The following ACSM1 variants were observed in gnomAD, a reference collection of about 807,000 sequenced individuals.
The protein encoded by ACSM1 is acyl-coenzyme A synthetase ACSM1, mitochondrial.
In ACSM1, 79 loss-of-function variants were observed where a neutral mutation model predicts 75.8. The ratio of observed to expected loss-of-function variants is 1.04; its 90% CI spans 0.87 to 1.26. The LOEUF is 1.26. Ranked by LOEUF, ACSM1 falls within the 50% of genes most tolerant of loss-of-function variation. The probability of loss-of-function intolerance (pLI) is 0.00; values close to 1 mark genes in which losing one functional copy is unlikely to be tolerated. For missense variants in ACSM1, 676 were observed against 720.1 expected, an observed-to-expected ratio of 0.94 and a Z score of 0.70; for synonymous variants, 279 against 265.8, an observed-to-expected ratio of 1.05 and a Z score of -0.48.
At chr16:20,667,125 A>C (rs184410868) in intron 6 of ACSM1, among the ~76,000 whole-genome samples, 224 of 152,328 alleles carry the variant, frequency 1.5e-3, no homozygotes, top group African/African-American at 5.2e-3. Flanking sequence ...GAGCTTCAGC[A>C]CAGCAAAAGA....
chr16:20,696,059 G>A (rs2079688209), intron 1 of ACSM1, among the ~76,000 whole-genome samples: 1 of 152,138 alleles, frequency 6.6e-6, no homozygotes, highest in African/African-American at 2.4e-5. Flanking sequence ...TGTCATGACT[G>A]CCTACAGTAT....
intron 13 of ACSM1, 25 bp from the exon 14 acceptor site, chr16:20,623,597 C>T (rs1427716255): frequency 6.2e-7 from 1 of 1,602,852 alleles, no homozygotes; most frequent in Non-Finnish European, 8.5e-7. Flanking sequence ...AGCAAATCCA[C>T]AGTGATTGAG....
chr16:20,685,241 G>A lies in ACSM1; in HGVS notation c.355C>T (p.Pro119Ser). Residue 119 changes from proline to serine, a missense_variant, in exon 3 of 14, where the codon CCT (proline) becomes TCT (serine). Physicochemically the swap from Pro to Ser is moderately conservative, Grantham distance 74 (BLOSUM62 -1). Transcript: ENST00000520010. ...QQGDHLALML[P>S]RVPEWWLVAV... ...ACCAGCCACCACTCAGGAACTCGAG[G>A]CAGCATCAAGGCCAGATGGTCTCCC... The A allele has an allele frequency of 3.1e-6, 5 of 1,614,182 alleles. No individual in the cohort carries two copies. The highest frequency in any genetic ancestry group is 4.2e-6 in the Non-Finnish European group (5 of 1,180,026).
chr16:20,657,018 A>T (rs2019006533), intron 7 of ACSM1, among the ~76,000 whole-genome samples: 1 of 152,140 alleles, frequency 6.6e-6, no homozygotes, highest in Non-Finnish European at 1.5e-5. Flanking sequence ...AAAATTAAAA[A>T]ATATATATAT....
chr16:20,637,277 G>T (rs768335458), intron 9 of ACSM1, 94 bp downstream of exon 9: 1 of 960,010 alleles, frequency 1.0e-6, no homozygotes, highest in Admixed American at 1.7e-5. Flanking sequence ...GATGACTGGA[G>T]CAGGGAAGTG....
intron 1 of ACSM1, among the ~76,000 whole-genome samples, chr16:20,696,980 T>C (rs2079693144): frequency 6.6e-6 from 1 of 152,206 alleles, no homozygotes; most frequent in Non-Finnish European, 1.5e-5. Context: ...ATTAGTGTGA[T>C]AATTTACTTG....
At chr16:20,668,715 A>G (rs1312602048) in intron 6 of ACSM1, among the ~76,000 whole-genome samples, 3 of 152,182 alleles carry the variant, frequency 2.0e-5, no homozygotes, top group South Asian at 2.1e-4. Flanking sequence ...AGGGCAGACC[A>G]CTGGAGCACT....
rs1274005290 is a variant in ACSM1, at chr16:20,672,497, A to ATATATAT, written c.612-827_612-826insATATATA. Among the ~76,000 whole-genome samples the ATATATAT allele has an allele frequency of 9.9e-4, 111 of 112,678 alleles. 1 individual carries two copies. In the East Asian group the frequency reaches 0.022, roughly 23 times the overall value. The allele number at this position is 112,678 out of a possible 152,430, so 73.9% of individuals were successfully genotyped here. ...ATATATATATATATATATATATATA[A>ATATATAT]AAAACATATTTATATATTATATATC... On this transcript the variant is annotated intron_variant, in intron 4 of 13. Transcript: ENST00000520010.
intron 12 of ACSM1, among the ~76,000 whole-genome samples, chr16:20,624,683 G>C (rs2016803631): frequency 6.6e-6 from 1 of 152,126 alleles, no homozygotes; most frequent in Non-Finnish European, 1.5e-5. Context: ...CTCACATATA[G>C]AAGGTGATTA....
At chr16:20,641,180 G>A (rs904433232) in intron 7 of ACSM1, among the ~76,000 whole-genome samples, 12 of 152,140 alleles carry the variant, frequency 7.9e-5, no homozygotes, top group Non-Finnish European at 1.5e-4. Context: ...AGAAAAGGCT[G>A]ATGTGAACAG....
In ACSM1 at chr16:20,623,244, T is replaced by C. The variant is rs1349969174; in HGVS notation, c.*242A>G. 6.4e-6 allele frequency: 3 copies of C among 470,570 alleles called. No homozygotes were observed. Among genetic ancestry groups the C allele is most frequent in the Non-Finnish European group, 1.2e-5 (3 of 257,976 alleles). 29.1% of individuals were successfully genotyped at this position (470,570 alleles called of 1,614,324 possible). A position where few individuals can be genotyped will look rare whatever the true frequency, so the allele number is the denominator to read the frequency against. On this transcript the variant is annotated 3_prime_UTR_variant, in exon 14 of 14. Coordinates refer to ENST00000520010, the MANE Select transcript of ACSM1 (RefSeq NM_001318890.3). ...TGCTCAACACAGGGTATTGTTGATA[T>C]CAGTATTTTATTACTTGCGTTATGA...
intron 7 of ACSM1, among the ~76,000 whole-genome samples, chr16:20,653,983 C>T (rs2018797524): frequency 6.6e-6 from 1 of 152,194 alleles, no homozygotes; most frequent in African/African-American, 2.4e-5. Flanking sequence ...GTGGAGGCAT[C>T]GCGCTACCTG....
intron 4 of ACSM1, 58 bp from the exon 5 acceptor site, chr16:20,671,729 T>G (rs2019920852): frequency 1.4e-6 from 2 of 1,438,530 alleles, no homozygotes; most frequent in African/African-American, 2.9e-5. Flanking sequence ...CTTCATCTTC[T>G]GGGAATGCAA....
At chr16:20,683,085 CT>C (rs1485735703) in intron 3 of ACSM1, among the ~76,000 whole-genome samples, 15 of 151,482 alleles carry the variant, frequency 9.9e-5, no homozygotes, top group Non-Finnish European at 2.2e-4. Flanking sequence ...TAAACATTGA[CT>C]TTTTTTTCCT....
intron 2 of ACSM1, among the ~76,000 whole-genome samples, chr16:20,689,357 G>C (rs1255538451): frequency 6.6e-6 from 1 of 151,950 alleles, no homozygotes; most frequent in African/African-American, 2.4e-5. Context: ...AAAAACTCAA[G>C]TAAACACAAA....
intron 3 of ACSM1, 73 bp downstream of exon 3, chr16:20,685,120 G>C (rs2079523032): frequency 6.6e-7 from 1 of 1,521,382 alleles, no homozygotes. Context: ...TGGGTGCACA[G>C]CACCTAATAT....
chr16:20,697,299 G>T (rs1296244225), intron 1 of ACSM1, among the ~76,000 whole-genome samples: 3 of 152,032 alleles, frequency 2.0e-5, no homozygotes, highest in Admixed American at 2.0e-4. Context: ...AGATAGAAAA[G>T]ATTTCCTTCA....
Position 20,659,129 on chromosome 16 carries a change from A to AT in ACSM1, c.992+2664dup, listed in dbSNP as rs1221195245. 2.0e-5 allele frequency among the ~76,000 whole-genome samples: 3 copies of AT among 152,150 alleles called. No individual in the cohort carries two copies. In the East Asian group the frequency reaches 5.8e-4, roughly 29 times the overall value. On this transcript the variant is annotated intron_variant, in intron 7 of 13. Coordinates refer to ENST00000520010, the MANE Select transcript of ACSM1 (RefSeq NM_001318890.3). ...ACTCAGAACATAGATCTGATCTGGG[A>AT]TTTTTTTGTAAAAGACTAAACCCTA... is the stretch of plus-strand genomic sequence containing the variant.
chr16:20,688,550 A>G (rs2079594924), intron 2 of ACSM1, among the ~76,000 whole-genome samples: 1 of 152,170 alleles, frequency 6.6e-6, no homozygotes, highest in Admixed American at 6.5e-5. Flanking sequence ...CTCATGTACA[A>G]GAGATTCTCA....
Sources: gnomAD v4.1 joint callset for allele counts (sites outside exome capture counted in the v4.1 genomes callset) on GRCh38, gnomAD v4.1.1 for gene constraint, MANE v1.5 for transcripts, NCBI Gene and HGNC (gene_info 2026-07-23, HGNC 2026-07-21) for gene names.